The following NEO1 variants were observed in gnomAD, a reference collection of about 807,000 sequenced individuals.
The protein encoded by NEO1 is neogenin 1.
Under a neutral mutation model 159.7 loss-of-function variants are expected in NEO1, and 63 were observed. The ratio of observed to expected loss-of-function variants is 0.39; its 90% CI spans 0.32 to 0.49. The LOEUF is 0.49. NEO1 is among the 20% of genes least tolerant of loss of function. NEO1 has a pLI of 0.85. For missense variants in NEO1, 1,615 were observed against 1,831.0 expected, an observed-to-expected ratio of 0.88 and a Z score of 2.15; for synonymous variants, 633 against 662.0, an observed-to-expected ratio of 0.96 and a Z score of 0.67.
chr15:73,270,479 A>G (rs781155812), intron 18 of NEO1, 25 bp downstream of exon 18: 1 of 1,581,248 alleles, frequency 6.3e-7, no homozygotes, highest in South Asian at 1.2e-5. Context: ...AAGCCATGTC[A>G]CATGGCTGCT....
At chr15:73,235,006 A>G (rs2039096991) in intron 7 of NEO1, among the ~76,000 whole-genome samples, 1 of 152,238 alleles carries the variant, frequency 6.6e-6, no homozygotes, top group Non-Finnish European at 1.5e-5. Context: ...ATAGAGAGCC[A>G]GAGTGCCATA....
chr15:73,256,584 A>C (rs1217472115), intron 13 of NEO1, among the ~76,000 whole-genome samples: 1 of 152,202 alleles, frequency 6.6e-6, no homozygotes, highest in African/African-American at 2.4e-5. Flanking sequence ...ACTGTGCTCT[A>C]GTAATCAGCA....
At chr15:73,239,221 A>G (rs1415039954) in intron 8 of NEO1, among the ~76,000 whole-genome samples, 5 of 152,188 alleles carry the variant, frequency 3.3e-5, no homozygotes, top group Non-Finnish European at 7.3e-5. Context: ...GTTGACAGCT[A>G]GGAGGAAAAC....
At chr15:73,168,383 G>T (rs28594832) in intron 5 of NEO1, among the ~76,000 whole-genome samples, 3 of 87,218 alleles carry the variant, frequency 3.4e-5, no homozygotes, top group Admixed American at 3.2e-4. Flanking sequence ...GGGGGGTGGG[G>T]GGGGGGGGTC....
chr15:73,089,901 C>T (rs1315601049), intron 1 of NEO1, among the ~76,000 whole-genome samples: 4 of 152,074 alleles, frequency 2.6e-5, no homozygotes, highest in South Asian at 4.1e-4. Flanking sequence ...TAAACACTGA[C>T]CGTTGGGTAT....
chr15:73,151,799 A>C (rs1251799273), intron 5 of NEO1, among the ~76,000 whole-genome samples: 1 of 152,250 alleles, frequency 6.6e-6, no homozygotes, highest in Non-Finnish European at 1.5e-5. Flanking sequence ...GGACACAGCC[A>C]AACCATATCA....
chr15:73,246,471 G>A (rs1334493805), intron 9 of NEO1, among the ~76,000 whole-genome samples: 1 of 152,142 alleles, frequency 6.6e-6, no homozygotes, highest in African/African-American at 2.4e-5. Flanking sequence ...TTCATATAGA[G>A]GCATCATTCA....
At chr15:73,280,608 A>T (rs2041649928) in intron 22 of NEO1, among the ~76,000 whole-genome samples, 1 of 152,154 alleles carries the variant, frequency 6.6e-6, no homozygotes, top group African/African-American at 2.4e-5. Flanking sequence ...GCCCTACTCT[A>T]ATATGAACAG....
rs921486466 is a variant in NEO1 at position 73,248,967 on chromosome 15, A to G, written c.1607-93A>G. ...TGTTTTCTTAGCTTCTATTATTTTAAAAACGTGGCCAATATGACAGTATTG... is the reference window on the plus strand; with the variant it reads ...TGTTTTCTTAGCTTCTATTATTTTAGAAACGTGGCCAATATGACAGTATTG... On this transcript the variant is annotated intron_variant, in intron 9 of 28. Transcript: ENST00000261908. 5.9e-6 allele frequency: 7 copies of G among 1,194,698 alleles called. No individual in the cohort carries two copies. In the African/African-American group the frequency reaches 9.0e-5, roughly 15 times the overall value. The allele number at this position is 1,194,698 out of a possible 1,614,324, so 74.0% of individuals were successfully genotyped here. A position where few individuals can be genotyped will look rare whatever the true frequency, so the allele number is the denominator to read the frequency against.
intron 7 of NEO1, among the ~76,000 whole-genome samples, chr15:73,198,396 ACTTTGT>A (rs2036660966): frequency 4.6e-5 from 7 of 152,120 alleles, no homozygotes; most frequent in Admixed American, 4.6e-4. Flanking sequence ...AATATTCAAA[ACTTTGT>A]ATGTCTGAAA....
intron 5 of NEO1, among the ~76,000 whole-genome samples, 169 bp from the exon 6 acceptor site, chr15:73,176,234 A>G (rs905761541): frequency 9.2e-5 from 14 of 152,322 alleles, no homozygotes; most frequent in African/African-American, 2.9e-4. Context: ...TTGTATTCCT[A>G]ACATGTATTT....
chr15:73,175,645 G>T (rs547588859), intron 5 of NEO1, among the ~76,000 whole-genome samples: 1 of 152,294 alleles, frequency 6.6e-6, no homozygotes, highest in South Asian at 2.1e-4. Context: ...GATGTAGGGA[G>T]TTCCTGTCAT....
chr15:73,292,443 T>C (rs499098), intron 25 of NEO1, among the ~76,000 whole-genome samples: 125,289 of 152,216 alleles, frequency 0.82, 53,692 homozygotes, highest in Non-Finnish European at 0.94. Flanking sequence ...GTTATCTTGA[T>C]CTTAAACGTG....
intron 1 of NEO1, among the ~76,000 whole-genome samples, chr15:73,108,365 A>G (rs1156460003): frequency 6.6e-6 from 1 of 152,286 alleles, no homozygotes; most frequent in African/African-American, 2.4e-5. Flanking sequence ...AAGAAGTTAC[A>G]TAAAACATTT....
intron 5 of NEO1, among the ~76,000 whole-genome samples, chr15:73,147,887 C>T (rs2033047749): frequency 6.6e-6 from 1 of 151,214 alleles, no homozygotes; most frequent in Non-Finnish European, 1.5e-5. Flanking sequence ...GATCTCGGCT[C>T]ACTGCATCCT....
intron 7 of NEO1, among the ~76,000 whole-genome samples, chr15:73,234,329 A>G (rs942106826): frequency 1.3e-5 from 2 of 152,210 alleles, no homozygotes; most frequent in Non-Finnish European, 2.9e-5. Context: ...ATTCAAAACC[A>G]AATTCATAAT....
intron 1 of NEO1, among the ~76,000 whole-genome samples, chr15:73,093,595 A>G (rs1232244224): frequency 6.7e-6 from 1 of 148,858 alleles, no homozygotes; most frequent in Non-Finnish European, 1.5e-5. Context: ...CTTTTTGGAT[A>G]CAAGGTCGTG....
intron 5 of NEO1, among the ~76,000 whole-genome samples, chr15:73,139,664 A>G (rs2032188044): frequency 6.6e-6 from 1 of 152,234 alleles, no homozygotes; most frequent in Non-Finnish European, 1.5e-5. Context: ...CTTGTAAGCT[A>G]AAAATAGTTT....
At position 73,270,311 on chromosome 15, in the gene NEO1, T is replaced by A; in HGVS notation, c.2719-5T>A. 2 of 1,614,022 alleles carry A rather than the reference T, an allele frequency of 1.2e-6. No individual in the cohort carries two copies. Among genetic ancestry groups the A allele is most frequent in the Non-Finnish European group, 1.7e-6 (2 of 1,179,968 alleles). The stretch of plus-strand genomic sequence containing the variant: ...TTTTAAAGTCTCAATTCATGTTTTT[T>A]TCAGAATGCAAATGCAACCACTTTG... On this transcript the variant is annotated splice_region_variant and splice_polypyrimidine_tract_variant and intron_variant, in intron 17 of 28. Coordinates refer to ENST00000261908, the MANE Select transcript of NEO1 (RefSeq NM_002499.4).
Sources: allele counts gnomAD v4.1 joint callset (sites outside exome capture counted in the v4.1 genomes callset), GRCh38; gene constraint gnomAD v4.1.1; transcripts MANE v1.5; gene names NCBI Gene and HGNC (gene_info 2026-07-23, HGNC 2026-07-21).